PLCE1: variants seen among roughly 807,000 people sequenced by gnomAD.
PLCE1 encodes the protein phospholipase C epsilon 1, also known as 1-phosphatidylinositol 4,5-bisphosphate phosphodiesterase epsilon-1.
A neutral mutation model predicts 242.8 loss-of-function variants in PLCE1; 119 were observed. That is an observed-to-expected ratio of 0.49 (90% CI 0.42 to 0.57). The LOEUF is 0.57. Ranked by LOEUF, PLCE1 falls within the 20% of genes least tolerant of loss-of-function variation. The pLI is 0.00. For synonymous variants in PLCE1, 945 were observed against 1,017.4 expected (o/e 0.93, Z 1.35); for missense variants, 2,441 against 2,788.8 (o/e 0.88, Z 2.81).
rs1034534211 is a variant in PLCE1 at position 94,331,688 on chromosome 10, G to C, written c.*3745G>C. 6.6e-6 allele frequency: 1 copy of C among 152,102 alleles called. No individual in the cohort carries two copies. Among genetic ancestry groups the C allele is most frequent in the African/African-American group, 2.4e-5 (1 of 41,396 alleles). 9.4% of individuals were successfully genotyped at this position (152,102 alleles called of 1,614,324 possible). On this transcript the variant is annotated 3_prime_UTR_variant, in exon 33 of 33. Transcript: ENST00000371380. ...AAAGGGAGATTGTCTCTTATACAGA[G>C]TCTAGACTTGGGTCAATATTCCCCA...
chr10:94,196,340 A>C (rs2048820617), intron 4 of PLCE1, among the ~76,000 whole-genome samples: 1 of 152,192 alleles, frequency 6.6e-6, no homozygotes, highest in Non-Finnish European at 1.5e-5. Context: ...CCTTTGAGAT[A>C]ATGATTTCTT....
chr10:94,242,402 C>T (rs2050537960), intron 7 of PLCE1, among the ~76,000 whole-genome samples: 1 of 152,058 alleles, frequency 6.6e-6, no homozygotes, highest in Non-Finnish European at 1.5e-5. Flanking sequence ...GCTCAGCCTC[C>T]CAAGTTCAAG....
At chr10:94,070,393 A>G (rs540954522) in intron 2 of PLCE1, among the ~76,000 whole-genome samples, 19 of 152,088 alleles carry the variant, frequency 1.2e-4, no homozygotes, top group Admixed American at 2.0e-4. Context: ...GGGGTCCCCA[A>G]ATATCTGCTA....
intron 27 of PLCE1, among the ~76,000 whole-genome samples, chr10:94,310,427 C>G (rs1361867593): frequency 6.6e-6 from 1 of 152,186 alleles, no homozygotes; most frequent in Admixed American, 6.5e-5. Flanking sequence ...ACAGGCCACA[C>G]CCCGCACCAA....
intron 2 of PLCE1, among the ~76,000 whole-genome samples, chr10:94,084,111 A>C (rs934869081): frequency 6.6e-6 from 1 of 152,230 alleles, no homozygotes; most frequent in African/African-American, 2.4e-5. Flanking sequence ...TGGAGTAAGG[A>C]GTGCGCTTCG....
At chr10:94,273,483 CTAT>C in intron 18 of PLCE1, 76 bp from the exon 19 acceptor site, 1 of 1,319,592 alleles carries the variant, frequency 7.6e-7, no homozygotes, top group South Asian at 1.2e-5. Flanking sequence ...AAAATATCTA[CTAT>C]GTTTATGAAG....
At chr10:94,145,522 G>T (rs1262527788) in intron 3 of PLCE1, among the ~76,000 whole-genome samples, 2 of 152,140 alleles carry the variant, frequency 1.3e-5, no homozygotes, top group African/African-American at 4.8e-5. Context: ...TTTGACCGTT[G>T]CAGTACTTTA....
chr10:94,238,266 C>CA (rs1246701135), intron 7 of PLCE1, among the ~76,000 whole-genome samples: 1 of 152,116 alleles, frequency 6.6e-6, no homozygotes, highest in East Asian at 1.9e-4. Context: ...ACAACAACAA[C>CA]AAAAAACAAA....
chr10:94,082,137 C>G (rs1163997285), intron 2 of PLCE1: 1 of 152,120 alleles, frequency 6.6e-6, no homozygotes, highest in Non-Finnish European at 1.5e-5. Flanking sequence ...GAGGAATTAA[C>G]AAGTAACTGC....
chr10:94,017,528 A>C (rs542880831), intron 1 of PLCE1, among the ~76,000 whole-genome samples: 1 of 152,310 alleles, frequency 6.6e-6, no homozygotes, highest in African/African-American at 2.4e-5. Context: ...ATCCACCCAG[A>C]ATTTGATGTC....
intron 2 of PLCE1, among the ~76,000 whole-genome samples, chr10:94,075,788 C>A (rs1469011256): frequency 2.6e-5 from 4 of 152,210 alleles, no homozygotes; most frequent in Non-Finnish European, 4.4e-5. Context: ...ATTCAGAATG[C>A]GTTCTGCTGT....
At chr10:94,305,824 C>G (rs543683871) in intron 25 of PLCE1, among the ~76,000 whole-genome samples, 1 of 152,240 alleles carries the variant, frequency 6.6e-6, no homozygotes, top group African/African-American at 2.4e-5. Context: ...TGCATAAAGT[C>G]TTCTCTTGTG....
chr10:94,146,327 G>A (rs971429503), intron 3 of PLCE1, among the ~76,000 whole-genome samples: 1 of 152,088 alleles, frequency 6.6e-6, no homozygotes, highest in Non-Finnish European at 1.5e-5. Context: ...GCATCACCGG[G>A]AGAAAAATGA....
intron 23 of PLCE1, among the ~76,000 whole-genome samples, chr10:94,293,977 C>A (rs2133459578): frequency 6.6e-6 from 1 of 152,040 alleles, no homozygotes; most frequent in East Asian, 1.9e-4. Context: ...TGTGGTAGTG[C>A]ACACCTGTAA....
chr10:94,216,339 T>C (rs1270198332), intron 4 of PLCE1, among the ~76,000 whole-genome samples: 1 of 152,144 alleles, frequency 6.6e-6, no homozygotes, highest in Non-Finnish European at 1.5e-5. Context: ...CACGTCAGGC[T>C]TGGGATGCCA....
chr10:94,252,690 C>T (rs921014928), intron 9 of PLCE1, among the ~76,000 whole-genome samples, 192 bp downstream of exon 9: 3 of 151,974 alleles, frequency 2.0e-5, no homozygotes, highest in Non-Finnish European at 4.4e-5. Context: ...AGACAAGGTC[C>T]GCAGAAGGAC....
chr10:94,076,064 A>G (rs2044488422), intron 2 of PLCE1, among the ~76,000 whole-genome samples: 1 of 152,088 alleles, frequency 6.6e-6, no homozygotes, highest in South Asian at 2.1e-4. Context: ...TCAATGGAAA[A>G]GTCTGAGACC....
chr10:94,254,658 C>G (rs1166726373), intron 10 of PLCE1, among the ~76,000 whole-genome samples: 5 of 152,152 alleles, frequency 3.3e-5, no homozygotes, highest in African/African-American at 1.2e-4. Flanking sequence ...TGGCTGGGAC[C>G]TTGGGACCTG....
intron 21 of PLCE1, among the ~76,000 whole-genome samples, chr10:94,284,532 G>A (rs1261936504): frequency 6.6e-6 from 1 of 152,162 alleles, no homozygotes; most frequent in Admixed American, 6.5e-5. Flanking sequence ...CAATGGAATT[G>A]TAAGATATGT....
Sources: allele counts gnomAD v4.1 joint callset (sites outside exome capture counted in the v4.1 genomes callset), GRCh38; gene constraint gnomAD v4.1.1; transcripts MANE v1.5; gene names NCBI Gene and HGNC (gene_info 2026-07-23, HGNC 2026-07-21).